Variants in GALNT13 observed in about 807,000 individuals in gnomAD.
The protein encoded by GALNT13 is polypeptide N-acetylgalactosaminyltransferase 13.
A neutral mutation model predicts 64.2 loss-of-function variants in GALNT13; 28 were observed. The observed-to-expected ratio is 0.44, with a 90% CI of 0.32 to 0.60. The LOEUF is 0.60. GALNT13 is among the 20% of genes least tolerant of loss of function. The pLI is 0.05. For missense variants in GALNT13, 577 were observed against 669.8 expected, an observed-to-expected ratio of 0.86 and a Z score of 1.53; for synonymous variants, 214 against 224.6, an observed-to-expected ratio of 0.95 and a Z score of 0.42.
the GALNT13 span, among the ~76,000 whole-genome samples, chr2:153,185,961 ATATC>A: frequency 1.3e-5 from 2 of 151,624 alleles, no homozygotes; most frequent in African/African-American, 4.8e-5. Context: ...AGTTCTGTAG[ATATC>A]TATCAGGTCC....
the GALNT13 span, among the ~76,000 whole-genome samples, chr2:153,375,217 A>G: frequency 1.3e-5 from 2 of 152,180 alleles, no homozygotes; most frequent in Non-Finnish European, 2.9e-5. Context: ...TGATTTTAGA[A>G]GTGAAGTATA....
the GALNT13 span, among the ~76,000 whole-genome samples, chr2:153,572,938 T>C: frequency 6.6e-6 from 1 of 152,010 alleles, no homozygotes; most frequent in Non-Finnish European, 1.5e-5. Flanking sequence ...AAATATTCTG[T>C]AAATATCTAT....
the GALNT13 span, among the ~76,000 whole-genome samples, chr2:153,139,588 A>C: frequency 6.6e-6 from 1 of 152,014 alleles, no homozygotes; most frequent in African/African-American, 2.4e-5. Flanking sequence ...ATATGAACAG[A>C]TGGAGATGGG....
chr2:153,444,359 G>A, the GALNT13 span, among the ~76,000 whole-genome samples: 1 of 152,156 alleles, frequency 6.6e-6, no homozygotes, highest in South Asian at 2.1e-4. Flanking sequence ...TTTTGAGTGA[G>A]TGAATGAATG....
At chr2:154,238,596 A>G (rs529790771) in intron 4 of GALNT13, among the ~76,000 whole-genome samples, 1 of 152,196 alleles carries the variant, frequency 6.6e-6, no homozygotes, top group South Asian at 2.1e-4. Context: ...TCTTGCTTAT[A>G]TAAATATATG....
chr2:154,200,234 T>G (rs188635738), intron 4 of GALNT13, among the ~76,000 whole-genome samples: 12 of 152,222 alleles, frequency 7.9e-5, no homozygotes, highest in Admixed American at 7.9e-4. Flanking sequence ...TCATTTAACT[T>G]ATGTAATGCA....
chr2:153,229,170 G>T, the GALNT13 span, among the ~76,000 whole-genome samples: 1 of 152,168 alleles, frequency 6.6e-6, no homozygotes, highest in South Asian at 2.1e-4. Flanking sequence ...CTCACTGTGT[G>T]AATGGAAGCT....
rs149151885 is a variant in GALNT13, at chr2:154,396,628, G to A, written c.1296+498G>A. ...TTGTATTTTTGTAAATTGCATTAAT[G>A]TCTGGCTTAATAGAAGATAGCTGGA... is the stretch of plus-strand genomic sequence containing the variant. On this transcript the variant is annotated intron_variant, in intron 10 of 12. Coordinates refer to ENST00000392825, the MANE Select transcript of GALNT13 (RefSeq NM_052917.4). Among the ~76,000 whole-genome samples, 129 of 152,174 alleles carry A rather than the reference G, an allele frequency of 8.5e-4. 2 individuals carry two copies. The highest frequency in any genetic ancestry group is 7.4e-3 in the Admixed American group (113 of 15,272).
chr2:153,826,279 G>C, the GALNT13 span, among the ~76,000 whole-genome samples: 2 of 152,018 alleles, frequency 1.3e-5, no homozygotes, highest in East Asian at 3.9e-4. Flanking sequence ...CAATCCTACT[G>C]CCTTGATTAT....
At chr2:153,790,261 T>C in the GALNT13 span, among the ~76,000 whole-genome samples, 1 of 152,176 alleles carries the variant, frequency 6.6e-6, no homozygotes, top group Non-Finnish European at 1.5e-5. Context: ...ATCCCTGGGA[T>C]GCAAGGTTGG....
intron 3 of GALNT13, among the ~76,000 whole-genome samples, chr2:154,132,930 T>A (rs1007040822): frequency 6.6e-5 from 10 of 151,818 alleles, no homozygotes; most frequent in African/African-American, 2.4e-4. Flanking sequence ...CAGGTAAATC[T>A]TTGGACAAAT....
chr2:154,026,230 C>T (rs1458399719), intron 3 of GALNT13, among the ~76,000 whole-genome samples: 1 of 152,066 alleles, frequency 6.6e-6, no homozygotes, highest in Non-Finnish European at 1.5e-5. Context: ...TAACTTATGG[C>T]TATATTGAGA....
intron 3 of GALNT13, among the ~76,000 whole-genome samples, chr2:153,982,805 A>G: frequency 6.6e-6 from 1 of 152,144 alleles, no homozygotes; most frequent in Non-Finnish European, 1.5e-5. Flanking sequence ...TTATACAAAA[A>G]TAATCCCAAA....
At chr2:153,632,423 G>A in the GALNT13 span, among the ~76,000 whole-genome samples, 1 of 151,990 alleles carries the variant, frequency 6.6e-6, no homozygotes, top group Admixed American at 6.6e-5. Flanking sequence ...TTTTTGGCCT[G>A]TACCAAATGC....
At chr2:153,270,561 G>C in the GALNT13 span, among the ~76,000 whole-genome samples, 5 of 152,286 alleles carry the variant, frequency 3.3e-5, no homozygotes, top group Non-Finnish European at 1.5e-5. Flanking sequence ...AGTTTAAGCT[G>C]TAAAAACATA....
chr2:153,441,037 A>T, the GALNT13 span, among the ~76,000 whole-genome samples: 1 of 152,032 alleles, frequency 6.6e-6, no homozygotes, highest in African/African-American at 2.4e-5. Context: ...CCATGTCTGG[A>T]ATGGTATTGC....
chr2:153,524,369 C>T, the GALNT13 span, among the ~76,000 whole-genome samples: 10 of 150,176 alleles, frequency 6.7e-5, no homozygotes, highest in African/African-American at 2.4e-4. Flanking sequence ...TAGAAGGCTC[C>T]ACCAATTATT....
chr2:153,306,649 A>G, the GALNT13 span, among the ~76,000 whole-genome samples: 5 of 152,208 alleles, frequency 3.3e-5, no homozygotes, highest in African/African-American at 9.6e-5. Flanking sequence ...TATACCCTAT[A>G]TGCGATTTTT....
chr2:153,858,800 T>A, the GALNT13 span, among the ~76,000 whole-genome samples: 1 of 152,140 alleles, frequency 6.6e-6, no homozygotes. Flanking sequence ...TGGCCTGATC[T>A]CGGCTCACTG....
Sources: gnomAD v4.1 joint callset for allele counts (sites outside exome capture counted in the v4.1 genomes callset) on GRCh38, gnomAD v4.1.1 for gene constraint, MANE v1.5 for transcripts, NCBI Gene and HGNC (gene_info 2026-07-23, HGNC 2026-07-21) for gene names.